Variants in FILIP1 observed in about 807,000 individuals in gnomAD.
The protein encoded by FILIP1 is filamin-A-interacting protein 1.
A neutral mutation model predicts 102.1 loss-of-function variants in FILIP1; 61 were observed. The observed-to-expected ratio is 0.60, with a 90% CI of 0.49 to 0.74. FILIP1 has a LOEUF of 0.74. Among genes scored for constraint, FILIP1 ranks in the 30% least tolerant of loss-of-function variants. The probability of loss-of-function intolerance (pLI) is 0.00; values close to 1 mark genes in which losing one functional copy is unlikely to be tolerated. For synonymous variants in FILIP1, 491 were observed against 526.9 expected, an observed-to-expected ratio of 0.93 and a Z score of 0.93; for missense variants, 1,314 against 1,441.2, an observed-to-expected ratio of 0.91 and a Z score of 1.43.
chr6:75,296,169 C>G (rs1000134089), intron 6 of FILIP1, among the ~76,000 whole-genome samples: 2 of 152,098 alleles, frequency 1.3e-5, no homozygotes, highest in African/African-American at 2.4e-5. Flanking sequence ...GAAACTACGT[C>G]TAACGTTCTG....
intron 1 of FILIP1, among the ~76,000 whole-genome samples, chr6:75,457,559 A>G (rs1179172161): frequency 6.6e-6 from 1 of 151,976 alleles, no homozygotes; most frequent in East Asian, 1.9e-4. Context: ...AAATTCTCCC[A>G]TAGTGTCTAC....
intron 1 of FILIP1, among the ~76,000 whole-genome samples, chr6:75,472,465 A>T (rs1039928528): frequency 1.3e-5 from 2 of 152,148 alleles, no homozygotes; most frequent in East Asian, 1.9e-4. Flanking sequence ...TCCATTTTTT[A>T]AAAATTTTGA....
Position 75,372,677 on chromosome 6 carries a change from GAAAGAAAGAGAAAGAAAGAGAA to G in FILIP1, c.277-9782_277-9761del, listed in dbSNP as rs1562514682. 3.9e-4 allele frequency among the ~76,000 whole-genome samples: 20 copies of G among 51,322 alleles called. 1 individual carries two copies. Among genetic ancestry groups the G allele is most frequent in the African/African-American group, 2.3e-3 (20 of 8,652 alleles). 33.7% of individuals were successfully genotyped at this position (51,322 alleles called of 152,430 possible). A position where few individuals can be genotyped will look rare whatever the true frequency, so the allele number is the denominator to read the frequency against. On this transcript the variant is annotated intron_variant, in intron 2 of 5. Coordinates refer to ENST00000237172, the MANE Select transcript of FILIP1 (RefSeq NM_015687.5). ...AGAAAGAAAGAAAGAAAGAAAGAAA[GAAAGAAAGAGAAAGAAAGAGAA>G]AGAAAGAAAGAAAGGAAAGAAAGAG...
intron 1 of FILIP1, among the ~76,000 whole-genome samples, chr6:75,432,128 A>T (rs1777843257): frequency 6.6e-6 from 1 of 152,226 alleles, no homozygotes; most frequent in African/African-American, 2.4e-5. Context: ...TGTTTTTATT[A>T]AATAGTTGTC....
chr6:75,437,312 T>C (rs1429628394), intron 1 of FILIP1, among the ~76,000 whole-genome samples: 1 of 152,244 alleles, frequency 6.6e-6, no homozygotes, highest in African/African-American at 2.4e-5. Context: ...TATGTGAGTT[T>C]GTATGGACAA....
chr6:75,441,033 G>A (rs1778196263), intron 1 of FILIP1, among the ~76,000 whole-genome samples: 1 of 151,516 alleles, frequency 6.6e-6, no homozygotes, highest in African/African-American at 2.4e-5. Flanking sequence ...CTCGCAGAGG[G>A]GGATTTGGCA....
chr6:75,312,761 G>C lies in FILIP1; in HGVS notation c.3071C>G (p.Ser1024Cys). The C allele has an allele frequency of 6.2e-7, 1 of 1,614,196 alleles. No homozygotes were observed. The change falls in exon 5 of 6, where the codon TCT (serine) becomes TGT (cysteine). Residue 1024 changes from serine (S) to cysteine (C), a missense_variant. This residue lies in a region of FILIP1 where 816 missense variants were observed against 913.1 expected (regional missense o/e 0.89). Transcript: ENST00000237172. ...TSAAPAEIAV[S>C]PESQEMPMGR... Reference sequence around the variant, plus strand: ...CATGGGCATTTCCTGGGATTCGGGAGAAACTGCAATCTCAGCTGGTGCTGC... The same window carrying C: ...CATGGGCATTTCCTGGGATTCGGGACAAACTGCAATCTCAGCTGGTGCTGC...
At chr6:75,455,904 T>C (rs1778813357) in intron 1 of FILIP1, among the ~76,000 whole-genome samples, 1 of 152,228 alleles carries the variant, frequency 6.6e-6, no homozygotes, top group Admixed American at 6.5e-5. Context: ...TCCCACTGTT[T>C]CCCATATGAA....
chr6:75,362,705 G>T, intron 3 of FILIP1, 39 bp downstream of exon 3: 1 of 1,588,652 alleles, frequency 6.3e-7, no homozygotes, highest in Non-Finnish European at 8.6e-7. Flanking sequence ...ATCTCCCTGA[G>T]GTTCCCATCC....
downstream of FILIP1, among the ~76,000 whole-genome samples, chr6:75,303,244 C>T (rs1213341127): frequency 2.0e-5 from 3 of 152,078 alleles, no homozygotes; most frequent in Non-Finnish European, 4.4e-5. Flanking sequence ...TTTAGACAAG[C>T]TGATTTGGAA....
chr6:75,476,181 C>T (rs887981144), intron 1 of FILIP1, among the ~76,000 whole-genome samples: 3 of 147,256 alleles, frequency 2.0e-5, no homozygotes, highest in African/African-American at 5.1e-5. Flanking sequence ...GTGAAGGTTA[C>T]AGTGAGCCAA....
At chr6:75,463,934 A>C (rs1779094021) in intron 1 of FILIP1, among the ~76,000 whole-genome samples, 1 of 152,162 alleles carries the variant, frequency 6.6e-6, no homozygotes, top group Non-Finnish European at 1.5e-5. Flanking sequence ...GGGACAGCTG[A>C]AAAAAATTGC....
chr6:75,462,463 G>T (rs73463704), intron 1 of FILIP1, among the ~76,000 whole-genome samples: 1,544 of 152,186 alleles, frequency 0.01, 38 homozygotes, highest in African/African-American at 0.036. Flanking sequence ...CAGCTGTAAA[G>T]AACTAGTTTG....
intron 1 of FILIP1, among the ~76,000 whole-genome samples, chr6:75,442,205 G>C (rs1582514351): frequency 1.3e-5 from 2 of 152,062 alleles, no homozygotes; most frequent in East Asian, 3.9e-4. Flanking sequence ...TGGCGGCCGG[G>C]AAGAGGCGCT....
At chr6:75,479,361 T>C (rs947072483) in intron 1 of FILIP1, among the ~76,000 whole-genome samples, 2 of 152,222 alleles carry the variant, frequency 1.3e-5, no homozygotes, top group African/African-American at 2.4e-5. Context: ...CAGTTGGTTT[T>C]CCCACCAGCA....
At position 75,313,503 on chromosome 6, in the gene FILIP1, C is replaced by T. The variant is rs769301224; in HGVS notation, c.2329G>A (p.Glu777Lys). The stretch of plus-strand genomic sequence containing the variant: ...GCTCTGCTGTAGCGCTTGGAAAGCT[C>T]CAACTCTTTGGTCAGATTGAGAACC... ...QEVLNLTKELELSKRYSRALR... is the reference protein window; with the variant it reads ...QEVLNLTKELKLSKRYSRALR... Residue 777 changes from glutamate to lysine, a missense_variant, in exon 5 of 6, where the codon GAG becomes AAG. This residue lies in a region of FILIP1 where 816 missense variants were observed against 913.1 expected (regional missense o/e 0.89). Coordinates refer to ENST00000237172, the MANE Select transcript of FILIP1 (RefSeq NM_015687.5). The surrounding 1 kb of genome is among the most constrained non-coding windows in gnomAD (Gnocchi z 4.2). 1.7e-5 allele frequency: 28 copies of T among 1,614,186 alleles called. No homozygotes were observed. Among genetic ancestry groups the T allele is most frequent in the Non-Finnish European group, 2.3e-5 (27 of 1,180,036 alleles).
chr6:75,301,884 G>A (rs1318759821), intron 6 of FILIP1, among the ~76,000 whole-genome samples: 1 of 152,116 alleles, frequency 6.6e-6, no homozygotes, highest in African/African-American at 2.4e-5. Flanking sequence ...TATTCACCCT[G>A]ATATCTATCC....
chr6:75,313,716 GT>G lies in FILIP1; in HGVS notation c.2115del (p.Glu705AspfsTer2). On this transcript the variant is annotated frameshift_variant, in exon 5 of 6. Transcript: ENST00000237172. LOFTEE classifies it high-confidence loss of function. This position sits in a 1 kb window ranked among gnomAD's most constrained non-coding sequence, Gnocchi z 4.2. ...EKGEVVSQEA[E>X]LRHRFRLEEA... ...TCTTCCAACCGAAATCTGTGTCTCA[GT>G]TCAGCTTCCTGGCTCACAACCTCAC... 6.4e-7 allele frequency: 1 copy of G among 1,565,290 alleles called. No individual in the cohort carries two copies. Among genetic ancestry groups the G allele is most frequent in the Non-Finnish European group, 8.6e-7 (1 of 1,160,876 alleles).
intron 2 of FILIP1, among the ~76,000 whole-genome samples, chr6:75,365,068 T>A (rs777255555): frequency 1.3e-5 from 2 of 152,196 alleles, no homozygotes; most frequent in African/African-American, 2.4e-5. Flanking sequence ...AAGTTCTTGA[T>A]AACAAACTAC....
Sources: gnomAD v4.1 joint callset for allele counts (sites outside exome capture counted in the v4.1 genomes callset) on GRCh38, gnomAD v4.1.1 for gene constraint, gnomAD v4.1.1 regional missense constraint, Gnocchi (gnomAD v3.1) non-coding constraint, MANE v1.5 for transcripts, NCBI Gene and HGNC (gene_info 2026-07-23, HGNC 2026-07-21) for gene names.